The following GLRA3 variants were observed in gnomAD, a reference collection of about 807,000 sequenced individuals.
GLRA3 encodes the protein glycine receptor subunit alpha-3.
GLRA3 carries 44 observed loss-of-function variants against 60.4 expected under a neutral mutation model. That is an observed-to-expected ratio of 0.73 (90% CI 0.57 to 0.94). The LOEUF is 0.94. Among genes scored for constraint, GLRA3 ranks in the 40% least tolerant of loss-of-function variants. GLRA3 has a pLI of 0.00. For synonymous variants in GLRA3, 223 were observed against 192.9 expected, an observed-to-expected ratio of 1.16 and a Z score of -1.29; for missense variants, 508 against 564.6, an observed-to-expected ratio of 0.90 and a Z score of 1.02.
chr4:174,742,115 G>A (rs569091262), intron 3 of GLRA3, among the ~76,000 whole-genome samples: 16 of 152,156 alleles, frequency 1.1e-4, no homozygotes, highest in African/African-American at 2.6e-4. Context: ...TTAAAAGAAA[G>A]TAATTTTAAA....
intron 5 of GLRA3, among the ~76,000 whole-genome samples, chr4:174,715,258 C>A (rs915945331): frequency 1.3e-5 from 2 of 152,156 alleles, no homozygotes; most frequent in African/African-American, 4.8e-5. Context: ...ATCTAAATAT[C>A]AAGCTTTGAA....
intron 5 of GLRA3, among the ~76,000 whole-genome samples, chr4:174,698,309 G>T (rs987625811): frequency 6.6e-6 from 1 of 152,072 alleles, no homozygotes; most frequent in East Asian, 1.9e-4. Flanking sequence ...CTCCCAAGTA[G>T]CTGGGACTAC....
chr4:174,637,988 T>C lies in GLRA3; in HGVS notation c.*5798A>G, dbSNP rs1011332364. 2 of 151,668 alleles carry C rather than the reference T, an allele frequency of 1.3e-5. No individual in the cohort carries two copies. The highest frequency in any genetic ancestry group is 4.9e-5 in the African/African-American group (2 of 40,990). 9.4% of individuals were successfully genotyped at this position (151,668 alleles called of 1,614,324 possible). ...ATGGTTTAAATAAGAATAAAGCTAG[T>C]GATAAGGGGTTGATTGAACTTAAAC... is the stretch of plus-strand genomic sequence containing the variant. On this transcript the variant is annotated 3_prime_UTR_variant, in exon 10 of 10. Coordinates refer to ENST00000274093, the MANE Select transcript of GLRA3 (RefSeq NM_006529.4).
intron 4 of GLRA3, among the ~76,000 whole-genome samples, chr4:174,720,297 C>T (rs751642715): frequency 4.6e-5 from 7 of 152,074 alleles, no homozygotes; most frequent in Non-Finnish European, 1.0e-4. Context: ...AGAGTCCATG[C>T]AGTACAGGTT....
chr4:174,821,207 C>T (rs1227055993), intron 1 of GLRA3, among the ~76,000 whole-genome samples: 1 of 152,090 alleles, frequency 6.6e-6, no homozygotes, highest in African/African-American at 2.4e-5. Flanking sequence ...GTAAGAGCAG[C>T]AGTGTCATGG....
At chr4:174,756,114 C>A (rs979655027) in intron 3 of GLRA3, among the ~76,000 whole-genome samples, 1 of 152,050 alleles carries the variant, frequency 6.6e-6, no homozygotes, top group East Asian at 1.9e-4. Context: ...AACTTAAAAC[C>A]TTTACACAAA....
At chr4:174,664,010 G>A (rs1319577713) in intron 7 of GLRA3, among the ~76,000 whole-genome samples, 1 of 152,124 alleles carries the variant, frequency 6.6e-6, no homozygotes, top group East Asian at 1.9e-4. Context: ...CACTGGTCAG[G>A]GGACCTTTGT....
intron 1 of GLRA3, among the ~76,000 whole-genome samples, chr4:174,808,079 T>C (rs1047207467): frequency 5.3e-5 from 8 of 151,970 alleles, no homozygotes; most frequent in African/African-American, 1.9e-4. Flanking sequence ...TGCAGTGAAG[T>C]ATGGAATGTA....
chr4:174,683,491 C>T (rs1454913832), intron 5 of GLRA3, among the ~76,000 whole-genome samples: 1 of 152,064 alleles, frequency 6.6e-6, no homozygotes, highest in African/African-American at 2.4e-5. Context: ...GCTGGGACTA[C>T]AGGCACATGC....
At chr4:174,747,172 G>A (rs565724687) in intron 3 of GLRA3, among the ~76,000 whole-genome samples, 6 of 152,268 alleles carry the variant, frequency 3.9e-5, no homozygotes, top group South Asian at 4.1e-4. Flanking sequence ...CTGTACTCAG[G>A]AGTGGCCATG....
In GLRA3 at chr4:174,788,388, A is replaced by G. The variant is rs1006093809; in HGVS notation, c.199+428T>C. 3.9e-5 allele frequency among the ~76,000 whole-genome samples: 6 copies of G among 152,048 alleles called. No individual in the cohort carries two copies. The East Asian group carries it at 1.2e-3, about 29-fold the overall frequency. On this transcript the variant is annotated intron_variant, in intron 2 of 9. Transcript: ENST00000274093. ...ATCCAGACTGTTTCCCAATAGGTAA[A>G]TTCAACAACGGTTAGATTCCCCACA...
At chr4:174,800,609 C>CG (rs1739771398) in intron 1 of GLRA3, among the ~76,000 whole-genome samples, 1 of 151,844 alleles carries the variant, frequency 6.6e-6, no homozygotes, top group African/African-American at 2.4e-5. Flanking sequence ...AAACCCCCCC[C>CG]GCCAAAAAAA....
chr4:174,790,843 AAAAG>A (rs1229056874), intron 1 of GLRA3, among the ~76,000 whole-genome samples: 1 of 147,974 alleles, frequency 6.8e-6, no homozygotes, highest in Non-Finnish European at 1.5e-5. Flanking sequence ...AAAAAAAAAA[AAAAG>A]AAAGAAATTA....
chr4:174,648,676 T>A (rs970407292), intron 9 of GLRA3, among the ~76,000 whole-genome samples: 2 of 152,108 alleles, frequency 1.3e-5, no homozygotes, highest in African/African-American at 4.8e-5. Context: ...TCCTTAGGCA[T>A]GTGGCCCTCA....
intron 1 of GLRA3, among the ~76,000 whole-genome samples, chr4:174,804,383 G>A (rs1207720409): frequency 6.6e-6 from 1 of 152,142 alleles, no homozygotes; most frequent in Non-Finnish European, 1.5e-5. Flanking sequence ...GTGCCTTACA[G>A]ATCATATTAT....
chr4:174,794,953 C>T lies in GLRA3; in HGVS notation c.72-6010G>A, dbSNP rs191379899. ...CTCATTCATTTATTTATTTAACAGC[C>T]GTTATTGACATGTTCCAAAGAGCCT... On this transcript the variant is annotated intron_variant, in intron 1 of 9. Coordinates refer to ENST00000274093, the MANE Select transcript of GLRA3 (RefSeq NM_006529.4). Among the ~76,000 whole-genome samples, 22 of 151,666 alleles carry T rather than the reference C, an allele frequency of 1.5e-4. 1 individual carries two copies. The East Asian group carries it at 2.5e-3, about 17-fold the overall frequency.
At chr4:174,750,555 A>T (rs984175757) in intron 3 of GLRA3, among the ~76,000 whole-genome samples, 6 of 151,298 alleles carry the variant, frequency 4.0e-5, no homozygotes, top group Non-Finnish European at 1.5e-5. Context: ...CAGCATCTTT[A>T]AAAAAAAATG....
chr4:174,828,051 TA>T (rs1741049264), intron 1 of GLRA3, among the ~76,000 whole-genome samples: 2 of 152,274 alleles, frequency 1.3e-5, no homozygotes, highest in South Asian at 4.1e-4. Flanking sequence ...CTCTTTAAAT[TA>T]TTTTTTTAAG....
chr4:174,733,485 G>A (rs1399665086), intron 3 of GLRA3, among the ~76,000 whole-genome samples: 1 of 152,166 alleles, frequency 6.6e-6, no homozygotes, highest in Non-Finnish European at 1.5e-5. Context: ...CCTGGAGCAT[G>A]TCTTGAGTAA....
Sources: gnomAD v4.1 joint callset for allele counts (sites outside exome capture counted in the v4.1 genomes callset) on GRCh38, gnomAD v4.1.1 for gene constraint, MANE v1.5 for transcripts, NCBI Gene and HGNC (gene_info 2026-07-23, HGNC 2026-07-21) for gene names.